Variants in ADAM19 observed in about 807,000 individuals in gnomAD.
ADAM19 encodes ADAM metallopeptidase domain 19, also known as disintegrin and metalloproteinase domain-containing protein 19.
Under a neutral mutation model 114.7 loss-of-function variants are expected in ADAM19, and 65 were observed. The observed-to-expected ratio is 0.57, with a 90% confidence interval of 0.46 to 0.70. The LOEUF (loss-of-function observed/expected upper bound fraction) is 0.70, where lower values mean the gene tolerates loss of function less well. Ranked by LOEUF, ADAM19 falls within the 30% of genes least tolerant of loss-of-function variation. The probability of loss-of-function intolerance (pLI) is 0.00; values close to 1 mark genes in which losing one functional copy is unlikely to be tolerated. For missense variants in ADAM19, 1,063 were observed against 1,204.7 expected (o/e 0.88, Z 1.74); for synonymous variants, 466 against 460.5 (o/e 1.01, Z -0.15).
At position 157,505,666 on chromosome 5, in the gene ADAM19, C is replaced by T. The variant is rs1398255143; in HGVS notation, c.1130+3G>A. The T allele has an allele frequency of 1.6e-5, 26 of 1,613,824 alleles. No homozygotes were observed. The highest frequency in any genetic ancestry group is 2.2e-5 in the Non-Finnish European group (26 of 1,179,834). On this transcript the variant is annotated splice_donor_region_variant and intron_variant, in intron 11 of 22. Coordinates refer to ENST00000257527, the MANE Select transcript of ADAM19 (RefSeq NM_033274.5). ...CCATCCTCCCTCTTGCTGTTTGACT[C>T]ACCCAGTGGCAGCTGCCATGATGCA...
intron 1 of ADAM19, among the ~76,000 whole-genome samples, chr5:157,573,289 C>G (rs748836299): frequency 5.9e-5 from 9 of 152,154 alleles, no homozygotes; most frequent in Non-Finnish European, 1.3e-4. Flanking sequence ...TGTATCAGAG[C>G]ATTGTTTAAC....
chr5:157,521,351 C>G (rs543615862), intron 5 of ADAM19, among the ~76,000 whole-genome samples: 1 of 152,180 alleles, frequency 6.6e-6, no homozygotes, highest in African/African-American at 2.4e-5. Flanking sequence ...TGCTCTAAAA[C>G]CTCAGGCAGG....
chr5:157,524,212 A>G (rs1342636425), intron 5 of ADAM19, among the ~76,000 whole-genome samples: 1 of 152,206 alleles, frequency 6.6e-6, no homozygotes, highest in African/African-American at 2.4e-5. Context: ...TTATCCTTCT[A>G]GGAGCCTTGG....
Position 157,480,193 on chromosome 5 carries a change from AAG to A in ADAM19, c.*754_*755del. ...CCAGGAAAGTGCGGCAGAGAAAACA[AAG>A]AGCAACTAAAAATTATCCAGAGTCA... On this transcript the variant is annotated 3_prime_UTR_variant, in exon 23 of 23. Transcript: ENST00000257527. 1 of 986,198 alleles carries A rather than the reference AAG, an allele frequency of 1.0e-6. No individual in the cohort carries two copies. The highest frequency in any genetic ancestry group is 4.7e-5 in the South Asian group (1 of 21,286). The allele number at this position is 986,198 out of a possible 1,614,324, so 61.1% of individuals were successfully genotyped here. A position where few individuals can be genotyped will look rare whatever the true frequency, so the allele number is the denominator to read the frequency against.
chr5:157,546,035 A>G (rs571356460), intron 3 of ADAM19, among the ~76,000 whole-genome samples: 5 of 152,202 alleles, frequency 3.3e-5, no homozygotes. Context: ...GAGGTCCGTG[A>G]TGTGCAGGCA....
rs758338100 is a variant in ADAM19 at position 157,481,080 on chromosome 5, C to T, written c.2704-78G>A. 17 of 1,589,650 alleles carry T rather than the reference C, an allele frequency of 1.1e-5. No homozygotes were observed. Among genetic ancestry groups the T allele is most frequent in the African/African-American group, 4.0e-5 (3 of 74,414 alleles). ...GGGATCAAGGGGGCAGCCATCCTCC[C>T]GATTTTAGAAGGAAGGATGGACCAC... On this transcript the variant is annotated intron_variant, in intron 22 of 22. Coordinates refer to ENST00000257527, the MANE Select transcript of ADAM19 (RefSeq NM_033274.5).
intron 3 of ADAM19, among the ~76,000 whole-genome samples, chr5:157,552,528 A>C (rs1279235277): frequency 1.3e-5 from 2 of 151,666 alleles, no homozygotes; most frequent in African/African-American, 4.9e-5. Flanking sequence ...AAATACAAAA[A>C]GTTAGCCGGG....
chr5:157,489,265 A>G, intron 19 of ADAM19, 79 bp from the exon 20 acceptor site: 1 of 1,006,016 alleles, frequency 9.9e-7, no homozygotes, highest in Non-Finnish European at 1.6e-6. Context: ...CTTTGACCCA[A>G]GCACGGCCAG....
At chr5:157,493,281 G>A (rs56353806) in intron 15 of ADAM19, 104 bp from the exon 16 acceptor site, 65,795 of 1,252,340 alleles carry the variant, frequency 0.053, 1,954 homozygotes, top group East Asian at 0.11. Flanking sequence ...GCAGGCTTGC[G>A]TGGGGTGGGG....
chr5:157,503,106 T>A, intron 11 of ADAM19, 126 bp from the exon 12 acceptor site: 1 of 726,192 alleles, frequency 1.4e-6, no homozygotes, highest in Non-Finnish European at 2.3e-6. Flanking sequence ...CCCCATTGTC[T>A]CACACACATA....
chr5:157,498,339 CAA>C (rs1449449545), intron 13 of ADAM19, among the ~76,000 whole-genome samples: 2 of 152,342 alleles, frequency 1.3e-5, no homozygotes, highest in African/African-American at 4.8e-5. Flanking sequence ...CAGGTGGAGG[CAA>C]AGAGGACCTG....
intron 3 of ADAM19, among the ~76,000 whole-genome samples, chr5:157,551,137 G>T (rs190119736): frequency 6.9e-4 from 105 of 152,228 alleles, no homozygotes; most frequent in Admixed American, 6.7e-3. Context: ...AGGCACAGTG[G>T]TTCATGCCTG....
chr5:157,517,106 G>A (rs1396962939), intron 7 of ADAM19, among the ~76,000 whole-genome samples: 2 of 152,180 alleles, frequency 1.3e-5, no homozygotes, highest in Admixed American at 6.5e-5. Flanking sequence ...TTTTAAGACA[G>A]CTTCAAGGGC....
chr5:157,487,326 A>G (rs1754974114), intron 21 of ADAM19, among the ~76,000 whole-genome samples: 1 of 152,220 alleles, frequency 6.6e-6, no homozygotes, highest in Non-Finnish European at 1.5e-5. Context: ...GCAGAGAAAC[A>G]GAATGGATGC....
intron 3 of ADAM19, among the ~76,000 whole-genome samples, chr5:157,544,087 G>A (rs1024602284): frequency 6.6e-6 from 1 of 152,228 alleles, no homozygotes; most frequent in African/African-American, 2.4e-5. Context: ...CCAGGGGGCT[G>A]CAAGCAGACA....
chr5:157,553,018 A>G (rs551537545), intron 3 of ADAM19, among the ~76,000 whole-genome samples: 3 of 152,346 alleles, frequency 2.0e-5, no homozygotes, highest in African/African-American at 4.8e-5. Context: ...CAGAAAGAGT[A>G]GAAGGATGGT....
At chr5:157,494,834 TC>T (rs1398392899) in intron 14 of ADAM19, 39 bp from the exon 15 acceptor site, 3 of 1,554,080 alleles carry the variant, frequency 1.9e-6, no homozygotes, top group African/African-American at 1.4e-5. Flanking sequence ...TACTCATCTG[TC>T]AGAAGCCCCC....
At position 157,507,189 on chromosome 5, in the gene ADAM19, T is replaced by C. The variant is rs758263202; in HGVS notation, c.906-49A>G. On this transcript the variant is annotated intron_variant, in intron 9 of 22. Coordinates refer to ENST00000257527, the MANE Select transcript of ADAM19 (RefSeq NM_033274.5). Reference sequence around the variant, plus strand: ...TGACCGGGGACGAGACTAAGAGGGCTGTTCCAATGTGCCTGGGAGTAAGTG... The same window carrying C: ...TGACCGGGGACGAGACTAAGAGGGCCGTTCCAATGTGCCTGGGAGTAAGTG... 4 of 1,569,028 alleles carry C rather than the reference T, an allele frequency of 2.5e-6. No homozygotes were observed. In the African/African-American group the frequency reaches 5.4e-5, roughly 21 times the overall value.
intron 3 of ADAM19, among the ~76,000 whole-genome samples, chr5:157,544,125 G>A (rs1057045755): frequency 6.6e-6 from 1 of 152,194 alleles, no homozygotes; most frequent in Non-Finnish European, 1.5e-5. Flanking sequence ...ACAGAAAGGC[G>A]AAGGAAGGGG....
Sources: allele counts gnomAD v4.1 joint callset (sites outside exome capture counted in the v4.1 genomes callset), GRCh38; gene constraint gnomAD v4.1.1; transcripts MANE v1.5; gene names NCBI Gene and HGNC (gene_info 2026-07-23, HGNC 2026-07-21).